The following ZNF385D variants were observed in gnomAD, a reference collection of about 807,000 sequenced individuals.
ZNF385D encodes the protein zinc finger protein 385D.
Under a neutral mutation model 35.8 loss-of-function variants are expected in ZNF385D, and 15 were observed. That is an observed-to-expected ratio of 0.42 (90% confidence interval 0.28 to 0.64). The LOEUF (loss-of-function observed/expected upper bound fraction) is 0.64. Among genes scored for constraint, ZNF385D ranks in the 30% least tolerant of loss-of-function variants. The pLI, the probability that ZNF385D is intolerant of heterozygous loss-of-function variation, is 0.23. For missense variants in ZNF385D, 474 were observed against 494.6 expected (o/e 0.96, Z 0.39); for synonymous variants, 212 against 186.8 (o/e 1.13, Z -1.10).
chr3:22,146,450 A>G (rs188899223), intron 3 of ZNF385D, among the ~76,000 whole-genome samples: 56 of 152,266 alleles, frequency 3.7e-4, no homozygotes, highest in Admixed American at 6.5e-4. Flanking sequence ...TGTCTTAAAG[A>G]TTGTGACTAG....
intron 3 of ZNF385D, among the ~76,000 whole-genome samples, chr3:21,895,810 T>C (rs1300989360): frequency 2.6e-5 from 4 of 151,990 alleles, no homozygotes; most frequent in African/African-American, 9.7e-5. Context: ...GTTTGCAAGA[T>C]GGAAATATGC....
At chr3:21,992,032 G>C (rs531209114) in intron 3 of ZNF385D, among the ~76,000 whole-genome samples, 1 of 152,238 alleles carries the variant, frequency 6.6e-6, no homozygotes, top group Admixed American at 6.5e-5. Context: ...CTCATCTCTG[G>C]AATGAGAATA....
intron 3 of ZNF385D, among the ~76,000 whole-genome samples, chr3:22,046,183 C>A (rs1165973164): frequency 1.3e-5 from 2 of 152,092 alleles, no homozygotes; most frequent in African/African-American, 4.8e-5. Flanking sequence ...AGGAAAAAGT[C>A]AAAGGAAAAT....
chr3:21,903,059 C>T (rs1296097442), intron 3 of ZNF385D, among the ~76,000 whole-genome samples: 1 of 152,084 alleles, frequency 6.6e-6, no homozygotes, highest in Non-Finnish European at 1.5e-5. Context: ...AGTAAACAAC[C>T]TTCGCAGTGC....
At chr3:21,533,170 T>C (rs2061962164) in intron 3 of ZNF385D, among the ~76,000 whole-genome samples, 1 of 152,140 alleles carries the variant, frequency 6.6e-6, no homozygotes, top group African/African-American at 2.4e-5. Context: ...GCCCTCGCTT[T>C]GTAGGCTGCA....
At chr3:22,257,316 C>T (rs1186057071) in intron 2 of ZNF385D, among the ~76,000 whole-genome samples, 2 of 151,670 alleles carry the variant, frequency 1.3e-5, no homozygotes, top group Non-Finnish European at 3.0e-5. Context: ...CTTTTTATTT[C>T]TTCAATTAAG....
At chr3:22,218,204 T>A (rs562982638) in intron 2 of ZNF385D, among the ~76,000 whole-genome samples, 10 of 152,246 alleles carry the variant, frequency 6.6e-5, no homozygotes, top group Admixed American at 2.0e-4. Context: ...CACCTTTATA[T>A]TATTGAGTCT....
chr3:21,695,107 T>C (rs1030755076), intron 1 of ZNF385D, among the ~76,000 whole-genome samples: 1 of 152,156 alleles, frequency 6.6e-6, no homozygotes, highest in Non-Finnish European at 1.5e-5. Flanking sequence ...AGGAGTTGTG[T>C]ATAAATGAAC....
At chr3:21,895,987 A>G (rs879727674) in intron 3 of ZNF385D, among the ~76,000 whole-genome samples, 1 of 152,166 alleles carries the variant, frequency 6.6e-6, no homozygotes, top group Non-Finnish European at 1.5e-5. Context: ...CGGTTTCGAC[A>G]ATGACAATTA....
intron 1 of ZNF385D, among the ~76,000 whole-genome samples, chr3:21,696,734 T>C (rs1008780841): frequency 3.3e-5 from 5 of 152,172 alleles, no homozygotes; most frequent in African/African-American, 7.2e-5. Flanking sequence ...ATAATGAAAC[T>C]TAGCTTCTAC....
chr3:22,294,755 G>T (rs552707697), intron 2 of ZNF385D, among the ~76,000 whole-genome samples: 3 of 152,162 alleles, frequency 2.0e-5, no homozygotes, highest in South Asian at 2.1e-4. Flanking sequence ...CTAGCATGTT[G>T]TAAGAATTCA....
At chr3:22,124,765 A>G (rs1703329692) in intron 3 of ZNF385D, among the ~76,000 whole-genome samples, 1 of 152,100 alleles carries the variant, frequency 6.6e-6, no homozygotes, top group African/African-American at 2.4e-5. Context: ...AATTGGATAA[A>G]TATATTTTAT....
intron 3 of ZNF385D, among the ~76,000 whole-genome samples, chr3:21,988,259 T>G (rs1245063786): frequency 1.2e-4 from 15 of 122,906 alleles, no homozygotes; most frequent in African/African-American, 4.4e-4. Context: ...GTTTTAGAGT[T>G]TCCAGTTTTT....
chr3:21,764,885 T>G (rs891136948), intron 3 of ZNF385D, among the ~76,000 whole-genome samples: 3 of 152,128 alleles, frequency 2.0e-5, no homozygotes, highest in Non-Finnish European at 2.9e-5. Flanking sequence ...CTTATTTTTT[T>G]TCCAATTGTC....
intron 3 of ZNF385D, among the ~76,000 whole-genome samples, chr3:21,867,765 A>C (rs190984144): frequency 6.6e-6 from 1 of 151,754 alleles, no homozygotes; most frequent in African/African-American, 2.4e-5. Flanking sequence ...AACCTCAACC[A>C]GTCTTTTTAG....
chr3:22,159,342 T>G (rs1705797878), intron 3 of ZNF385D, among the ~76,000 whole-genome samples: 1 of 152,126 alleles, frequency 6.6e-6, no homozygotes, highest in Admixed American at 6.6e-5. Context: ...TTGGCTTCAC[T>G]TAATTTTCAC....
chr3:21,981,752 A>G (rs1694465210), intron 3 of ZNF385D, among the ~76,000 whole-genome samples: 2 of 152,128 alleles, frequency 1.3e-5, no homozygotes, highest in South Asian at 4.1e-4. Context: ...TGGTGTATGG[A>G]AGGAGTCCAG....
chr3:21,685,007 G>C (rs2067059427), intron 1 of ZNF385D, among the ~76,000 whole-genome samples: 1 of 152,008 alleles, frequency 6.6e-6, no homozygotes, highest in African/African-American at 2.4e-5. Flanking sequence ...GAAACCAATG[G>C]GCTCCATAAG....
At chr3:22,110,251 C>G (rs561985459) in intron 3 of ZNF385D, among the ~76,000 whole-genome samples, 14 of 152,066 alleles carry the variant, frequency 9.2e-5, no homozygotes, top group East Asian at 3.9e-4. Flanking sequence ...GGATCTAGAA[C>G]TAGAAATACC....
Sources: gnomAD v4.1 joint callset for allele counts (sites outside exome capture counted in the v4.1 genomes callset) on GRCh38, gnomAD v4.1.1 for gene constraint, MANE v1.5 for transcripts, NCBI Gene and HGNC (gene_info 2026-07-23, HGNC 2026-07-21) for gene names.